The following TTC12 variants were observed in gnomAD, a reference collection of about 807,000 sequenced individuals.
TTC12 encodes tetratricopeptide repeat protein 12.
A neutral mutation model predicts 90.1 loss-of-function variants in TTC12; 70 were observed. The observed-to-expected ratio is 0.78, with a 90% CI of 0.64 to 0.95. The LOEUF is 0.95. Ranked by LOEUF, TTC12 falls within the 40% of genes least tolerant of loss-of-function variation. The pLI is 0.00. For missense variants in TTC12, 819 were observed against 846.1 expected (o/e 0.97, Z 0.40); for synonymous variants, 296 against 311.5 (o/e 0.95, Z 0.53).
At chr11:113,341,343 G>A (rs1948669080) in intron 11 of TTC12, among the ~76,000 whole-genome samples, 1 of 152,184 alleles carries the variant, frequency 6.6e-6, no homozygotes. Context: ...GTTTTTGCCA[G>A]GTTGTCATTT....
intron 12 of TTC12, among the ~76,000 whole-genome samples, chr11:113,342,847 G>T (rs190410925): frequency 2.0e-5 from 3 of 152,080 alleles, no homozygotes; most frequent in Non-Finnish European, 2.9e-5. Context: ...CCAGCTTAGG[G>T]CAGTGTTTTT....
In TTC12 at chr11:113,323,114, A is replaced by C. The variant is rs55939425; in HGVS notation, c.59-174A>C. On this transcript the variant is annotated intron_variant, in intron 2 of 21. Coordinates refer to ENST00000529221, the MANE Select transcript of TTC12 (RefSeq NM_017868.4). ...AACTTTTTCTAGGCAAAAAAAAAAA[A>C]AAAAAAACCTGTTGTTAATTTTTTC... Among the ~76,000 whole-genome samples the C allele has an allele frequency of 0.065, 9,842 of 151,540 alleles. 490 individuals carry two copies. Among genetic ancestry groups the C allele is most frequent in the Non-Finnish European group, 0.099 (6,738 of 67,894 alleles).
Position 113,365,003 on chromosome 11 carries a change from C to T in TTC12, c.1985C>T (p.Thr662Met), listed in dbSNP as rs376749661. 1.5e-5 allele frequency: 25 copies of T among 1,614,036 alleles called. No individual in the cohort carries two copies. Among genetic ancestry groups the T allele is most frequent in the African/African-American group, 1.3e-4 (10 of 74,914 alleles). ...CTTGCAGGCAGTGACACACAGAAGA[C>T]GGCCGTGCAGGTGAACGCAGGCATT... ...LKLAGSDTQK[T>M]AVQVNAGIAL... is the part of the protein sequence containing the mutation. The change falls in exon 21 of 22, where the codon ACG (threonine) becomes ATG (methionine). Residue 662 changes from threonine (T) to methionine (M), a missense_variant. Transcript: ENST00000529221.
At chr11:113,362,352 C>A in intron 18 of TTC12, 49 bp from the exon 19 acceptor site, 1 of 1,420,860 alleles carries the variant, frequency 7.0e-7, no homozygotes, top group South Asian at 1.2e-5. Flanking sequence ...TAAAGGTTGT[C>A]AGCATTTCTG....
chr11:113,325,437 A>G, intron 5 of TTC12, 87 bp from the exon 6 acceptor site: 2 of 1,532,432 alleles, frequency 1.3e-6, no homozygotes, highest in Non-Finnish European at 1.8e-6. Flanking sequence ...AGACCTTCGA[A>G]ATAGAATTGG....
intron 6 of TTC12, among the ~76,000 whole-genome samples, chr11:113,329,253 G>A (rs1293379902): frequency 4.6e-5 from 7 of 152,222 alleles, no homozygotes; most frequent in African/African-American, 1.7e-4. Flanking sequence ...AGCAGTGTAT[G>A]AGAGCTCTAA....
intron 21 of TTC12, among the ~76,000 whole-genome samples, chr11:113,372,484 G>A (rs955766427): frequency 1.3e-5 from 2 of 152,296 alleles, no homozygotes; most frequent in African/African-American, 4.8e-5. Flanking sequence ...ACGTGCATGC[G>A]TGTCTGTAGG....
chr11:113,350,518 C>T (rs139910588), intron 14 of TTC12, among the ~76,000 whole-genome samples: 1 of 152,170 alleles, frequency 6.6e-6, no homozygotes, highest in African/African-American at 2.4e-5. Flanking sequence ...TGAACCTGAG[C>T]GAGCCAGCGA....
intron 16 of TTC12, among the ~76,000 whole-genome samples, chr11:113,354,503 T>C (rs1024460608): frequency 1.3e-5 from 2 of 152,214 alleles, no homozygotes; most frequent in East Asian, 1.9e-4. Flanking sequence ...CTATGTTGAA[T>C]AGGAGTGGTG....
chr11:113,321,775 T>C (rs781878226), intron 2 of TTC12, among the ~76,000 whole-genome samples: 6 of 152,178 alleles, frequency 3.9e-5, no homozygotes, highest in Non-Finnish European at 8.8e-5. Flanking sequence ...CTCATACCAC[T>C]CATGAGAAAG....
rs782048498 is a variant in TTC12, at chr11:113,350,156, T to G, written c.1238T>G (p.Leu413Arg). The G allele has an allele frequency of 5.6e-6, 9 of 1,610,192 alleles. No individual in the cohort carries two copies. Among genetic ancestry groups the G allele is most frequent in the Admixed American group, 5.0e-5 (3 of 59,788 alleles). The change falls in exon 14 of 22, where the codon CTG (leucine) becomes CGG (arginine). Residue 413 changes from leucine to arginine, a missense_variant. Transcript: ENST00000529221. ...TAMGLFTDLA[L>R]EERFQVWFQA... ...ATGGGACTGTTCACAGACTTGGCTC[T>G]GGAAGAAAGGTAATTTTTTTATTTA...
intron 18 of TTC12, among the ~76,000 whole-genome samples, chr11:113,360,363 G>A (rs1249919971): frequency 6.6e-6 from 1 of 151,726 alleles, no homozygotes; most frequent in African/African-American, 2.4e-5. Context: ...TGTGCAAATT[G>A]GACAGATCAA....
intron 9 of TTC12, 73 bp from the exon 10 acceptor site, chr11:113,339,213 A>T: frequency 4.5e-6 from 6 of 1,320,826 alleles, no homozygotes; most frequent in Non-Finnish European, 6.2e-6. Flanking sequence ...AGAAAGGAAA[A>T]AAAAAGGTTG....
intron 4 of TTC12, 37 bp downstream of exon 4, chr11:113,324,052 T>C: frequency 1.3e-6 from 2 of 1,566,010 alleles, no homozygotes; most frequent in South Asian, 2.2e-5. Flanking sequence ...TTTCATTCTT[T>C]ATATAGGACC....
Position 113,363,880 on chromosome 11 carries a change from C to T in TTC12, c.1769C>T (p.Thr590Met), listed in dbSNP as rs748308432. The change falls in exon 20 of 22, where the codon ACG (threonine) becomes ATG (methionine). Residue 590 changes from threonine (T) to methionine (M), a missense_variant. Coordinates refer to ENST00000529221, the MANE Select transcript of TTC12 (RefSeq NM_017868.4). ...GCTATAAAGATACTAGCTATCTGCA[C>T]GAATAGTTATCATGAAGCTCGGGAA... ...RYAIKILAIC[T>M]NSYHEAREEV... 1.9e-5 allele frequency: 31 copies of T among 1,613,618 alleles called. No individual in the cohort carries two copies. The highest frequency in any genetic ancestry group is 5.3e-5 in the African/African-American group (4 of 74,906).
intron 6 of TTC12, among the ~76,000 whole-genome samples, chr11:113,328,671 A>G (rs1947842279): frequency 1.3e-5 from 2 of 152,192 alleles, no homozygotes; most frequent in South Asian, 2.1e-4. Context: ...ATAGTACACA[A>G]TTTAATGGAA....
intron 19 of TTC12, 112 bp downstream of exon 19, chr11:113,362,614 T>A: frequency 1.4e-6 from 1 of 733,772 alleles, no homozygotes; most frequent in East Asian, 2.6e-5. Flanking sequence ...CATTTCTTCC[T>A]TGCTAGATTT....
At chr11:113,348,856 G>A in intron 13 of TTC12, among the ~76,000 whole-genome samples, 1 of 152,204 alleles carries the variant, frequency 6.6e-6, no homozygotes, top group Non-Finnish European at 1.5e-5. Context: ...TCTGGGCTCT[G>A]TCCAGCTCTC....
intron 3 of TTC12, 146 bp downstream of exon 3, chr11:113,323,597 A>ATT: frequency 3.9e-6 from 2 of 515,392 alleles, no homozygotes; most frequent in African/African-American, 2.0e-5. Context: ...ATAAAATTTG[A>ATT]TTTTTTTTTT....
Sources: allele counts gnomAD v4.1 joint callset (sites outside exome capture counted in the v4.1 genomes callset), GRCh38; gene constraint gnomAD v4.1.1; transcripts MANE v1.5; gene names NCBI Gene and HGNC (gene_info 2026-07-23, HGNC 2026-07-21).